Variants in CUX2 observed in about 807,000 individuals in gnomAD.
CUX2 encodes the protein cut like homeobox 2.
In CUX2, 40 loss-of-function variants were observed where a neutral mutation model predicts 144.8. The observed-to-expected ratio is 0.28, with a 90% confidence interval of 0.21 to 0.36. The LOEUF (loss-of-function observed/expected upper bound fraction) is 0.36, where lower values mean the gene tolerates loss of function less well. Ranked by LOEUF, CUX2 falls within the 10% of genes least tolerant of loss-of-function variation. CUX2 has a pLI of 1.00. For missense variants in CUX2, 1,615 were observed against 1,994.0 expected (o/e 0.81, Z 3.62); for synonymous variants, 827 against 875.6 (o/e 0.94, Z 0.98).
chr12:111,265,320 TTTTATTTTA>T (rs1797477553), intron 4 of CUX2, among the ~76,000 whole-genome samples: 1 of 68,598 alleles, frequency 1.5e-5, no homozygotes, highest in Non-Finnish European at 2.8e-5. Flanking sequence ...TTTTATTTTA[TTTTATTTTA>T]TTTTATTTTA....
At position 111,332,724 on chromosome 12, in the gene CUX2, C is replaced by T. The variant is rs528243930; in HGVS notation, c.2927-1717C>T. ...AGTTATTAATTTTGCCATAATCGTG[C>T]TCTTTCTCTGCCATTTGAGGAATTC... On this transcript the variant is annotated intron_variant, in intron 18 of 21. Transcript: ENST00000261726. Among the ~76,000 whole-genome samples, 24 of 152,276 alleles carry T rather than the reference C, an allele frequency of 1.6e-4. No homozygotes were observed. The South Asian group carries it at 2.3e-3, about 14-fold the overall frequency.
At chr12:111,050,132 T>G (rs2136010887) in intron 1 of CUX2, among the ~76,000 whole-genome samples, 1 of 152,264 alleles carries the variant, frequency 6.6e-6, no homozygotes. Context: ...TCCATTTCTG[T>G]ATCTCCCACC....
intron 3 of CUX2, among the ~76,000 whole-genome samples, chr12:111,250,404 G>A (rs914389235): frequency 1.3e-5 from 2 of 152,076 alleles, no homozygotes; most frequent in African/African-American, 4.8e-5. Flanking sequence ...CAGCCTCTCT[G>A]GGCCTCTAAA....
intron 1 of CUX2, among the ~76,000 whole-genome samples, chr12:111,197,314 T>G (rs1471761845): frequency 2.0e-5 from 3 of 152,236 alleles, no homozygotes; most frequent in Non-Finnish European, 4.4e-5. Flanking sequence ...TTGTTGGTAC[T>G]ATTCTGCCTG....
At chr12:111,141,945 A>G (rs1247630745) in intron 1 of CUX2, among the ~76,000 whole-genome samples, 4 of 152,126 alleles carry the variant, frequency 2.6e-5, no homozygotes, top group Admixed American at 2.6e-4. Flanking sequence ...TTAGCAGGGC[A>G]TGGTGGTGTG....
Position 111,345,666 on chromosome 12 carries a change from C to T in CUX2, c.3660-1858C>T, listed in dbSNP as rs375245561. On this transcript the variant is annotated intron_variant, in intron 21 of 21. Transcript: ENST00000261726. Reference sequence around the variant, plus strand: ...CTGAGGCAGGAGAATGGCGTAAACCCGGGAGCTTGCGGTGAGCCAAGATCG... The same window carrying T: ...CTGAGGCAGGAGAATGGCGTAAACCTGGGAGCTTGCGGTGAGCCAAGATCG... Among the ~76,000 whole-genome samples the T allele has an allele frequency of 4.1e-3, 599 of 146,384 alleles. 4 individuals are homozygous for T. The highest frequency in any genetic ancestry group is 5.0e-3 in the Non-Finnish European group (335 of 67,310).
intron 21 of CUX2, among the ~76,000 whole-genome samples, chr12:111,343,448 G>A (rs1374602373): frequency 1.3e-5 from 2 of 152,138 alleles, no homozygotes; most frequent in Non-Finnish European, 2.9e-5. Flanking sequence ...AGCTTCCTGA[G>A]CAGGAAAAGT....
At chr12:111,228,265 C>G (rs1473899170) in intron 3 of CUX2, among the ~76,000 whole-genome samples, 1 of 152,112 alleles carries the variant, frequency 6.6e-6, no homozygotes, top group Non-Finnish European at 1.5e-5. Context: ...GGGTTCAACT[C>G]CCCATTTTGC....
chr12:111,265,291 C>T (rs977132325), intron 4 of CUX2, among the ~76,000 whole-genome samples: 3 of 149,594 alleles, frequency 2.0e-5, no homozygotes, highest in Non-Finnish European at 3.0e-5. Context: ...AAAGCTTCCC[C>T]TATTTTATTT....
chr12:111,334,587 G>A lies in CUX2; in HGVS notation c.3073G>A (p.Gly1025Arg), dbSNP rs745441532. 18 of 1,613,908 alleles carry A rather than the reference G, an allele frequency of 1.1e-5. No individual in the cohort carries two copies. The highest frequency in any genetic ancestry group is 2.2e-5 in the East Asian group (1 of 44,868). The change falls in exon 19 of 22, where the codon GGG (glycine) becomes AGG (arginine). Residue 1025 changes from glycine to arginine, a missense_variant. Gly to Arg is a moderately radical substitution (Grantham distance 125). This residue lies in a region of CUX2 where 128 missense variants were observed against 124.4 expected (regional missense o/e 1.03). Transcript: ENST00000261726. ...GGGCCGCTCCAGCTCCTCGTTGAGCGGGAAGATGTACTCAGGCAGCCAGGC... is the reference window on the plus strand; with the variant it reads ...GGGCCGCTCCAGCTCCTCGTTGAGCAGGAAGATGTACTCAGGCAGCCAGGC... ...PEGRSSSSLS[G>R]KMYSGSQAPG...
intron 3 of CUX2, among the ~76,000 whole-genome samples, chr12:111,229,747 A>T (rs1882366589): frequency 6.6e-6 from 1 of 152,140 alleles, no homozygotes; most frequent in South Asian, 2.1e-4. Context: ...TTGGCCAAGC[A>T]CAGTGGCTCA....
At chr12:111,179,120 C>T (rs1293631077) in intron 1 of CUX2, among the ~76,000 whole-genome samples, 1 of 152,126 alleles carries the variant, frequency 6.6e-6, no homozygotes, top group Non-Finnish European at 1.5e-5. Flanking sequence ...TAGAGGGGAC[C>T]GTGGACTCCC....
At chr12:111,333,133 C>T (rs1337432270) in intron 18 of CUX2, among the ~76,000 whole-genome samples, 3 of 152,114 alleles carry the variant, frequency 2.0e-5, no homozygotes, top group Non-Finnish European at 4.4e-5. Flanking sequence ...CTCTTGAACC[C>T]GTGAGGTGGA....
At chr12:111,335,285 T>C (rs1351944561) in intron 19 of CUX2, among the ~76,000 whole-genome samples, 5 of 150,806 alleles carry the variant, frequency 3.3e-5, no homozygotes, top group Admixed American at 6.6e-5. Flanking sequence ...CCCAGCTACT[T>C]GGGAGGCTGA....
intron 20 of CUX2, 106 bp downstream of exon 20, chr12:111,338,580 C>G (rs1592985666): frequency 9.3e-7 from 1 of 1,078,794 alleles, no homozygotes; most frequent in East Asian, 2.4e-5. Flanking sequence ...GGTCCAGTCT[C>G]AGCCTACTAT....
At chr12:111,284,843 C>G (rs997471142) in intron 4 of CUX2, among the ~76,000 whole-genome samples, 1 of 152,180 alleles carries the variant, frequency 6.6e-6, no homozygotes, top group African/African-American at 2.4e-5. Context: ...AGTTAGTGAG[C>G]AGATGTTTAT....
chr12:111,237,097 C>T (rs1565865839), intron 3 of CUX2, among the ~76,000 whole-genome samples: 2 of 152,104 alleles, frequency 1.3e-5, no homozygotes, highest in South Asian at 4.2e-4. Flanking sequence ...TGCGGTGAGC[C>T]GAAATTACAC....
intron 1 of CUX2, among the ~76,000 whole-genome samples, chr12:111,142,017 G>A (rs1876351392): frequency 6.6e-6 from 1 of 152,178 alleles, no homozygotes; most frequent in Non-Finnish European, 1.5e-5. Context: ...CCTGGAGGTG[G>A]AGGTTGCAGT....
chr12:111,338,251 T>G, intron 19 of CUX2, 35 bp from the exon 20 acceptor site: 1 of 1,565,200 alleles, frequency 6.4e-7, no homozygotes, highest in Non-Finnish European at 8.7e-7. Context: ...CTGCCCAGCC[T>G]CGGGTAACAG....
Sources: allele counts gnomAD v4.1 joint callset (sites outside exome capture counted in the v4.1 genomes callset), GRCh38; gene constraint gnomAD v4.1.1; regional missense constraint gnomAD v4.1.1; transcripts MANE v1.5; gene names NCBI Gene and HGNC (gene_info 2026-07-23, HGNC 2026-07-21).